Variants in CACNA1C observed in about 807,000 individuals in gnomAD.
CACNA1C encodes voltage-dependent L-type calcium channel subunit alpha-1C.
Under a neutral mutation model 229.0 loss-of-function variants are expected in CACNA1C, and 30 were observed. The ratio of observed to expected loss-of-function variants is 0.13; its 90% confidence interval spans 0.10 to 0.18. The LOEUF is 0.18. CACNA1C is among the 10% of genes least tolerant of loss of function. The pLI is 1.00. For missense variants in CACNA1C, 1,658 were observed against 2,845.0 expected, an observed-to-expected ratio of 0.58 and a Z score of 9.49; for synonymous variants, 1,114 against 1,132.5, an observed-to-expected ratio of 0.98 and a Z score of 0.33.
In CACNA1C at chr12:2,111,565, CA is replaced by C. The variant is rs113948667; in HGVS notation, c.50-3658del. 7.2e-3 allele frequency among the ~76,000 whole-genome samples: 1,083 copies of C among 151,006 alleles called. 12 individuals carry two copies. Among genetic ancestry groups the C allele is most frequent in the African/African-American group, 0.025 (1,037 of 40,976 alleles). On this transcript the variant is annotated intron_variant, in intron 1 of 46. Transcript: ENST00000399655. ...GATTAAGGTCTGGGGACAGCCGTCT[CA>C]GGGGAGGCGTGAGCTGTGGAGGGCT...
intron 13 of CACNA1C, among the ~76,000 whole-genome samples, chr12:2,572,316 TCCTC>T (rs1600549426): frequency 1.4e-5 from 2 of 143,070 alleles, no homozygotes; most frequent in African/African-American, 5.2e-5. Flanking sequence ...CTCCTCCTCC[TCCTC>T]TTCCTCCTCC....
chr12:2,094,456 G>A (rs187933374), intron 1 of CACNA1C, among the ~76,000 whole-genome samples: 131 of 152,268 alleles, frequency 8.6e-4, no homozygotes, highest in Non-Finnish European at 1.4e-3. Flanking sequence ...GGGCGAGCAG[G>A]GGCCTCCTCT....
chr12:2,610,645 C>T lies in CACNA1C; in HGVS notation c.3663C>T (p.Phe1221=), dbSNP rs369646222. 20 of 1,614,240 alleles carry T rather than the reference C, an allele frequency of 1.2e-5. No individual in the cohort carries two copies. Among genetic ancestry groups the T allele is most frequent in the East Asian group, 6.7e-5 (3 of 44,884 alleles). Residue 1221 remains phenylalanine, a synonymous_variant, in exon 28 of 47, where the codon TTC becomes TTT. Transcript: ENST00000399655. The part of the protein sequence containing the change: ...KVWYVVNSTY[F]EYLMFVLILL... ...GGTACGTGGTCAACTCCACCTACTT[C>T]GAGTACCTGATGTTCGTCCTCATCC... is the stretch of plus-strand genomic sequence containing the variant.
chr12:2,163,902 C>T (rs999171109), intron 3 of CACNA1C, among the ~76,000 whole-genome samples: 4 of 152,202 alleles, frequency 2.6e-5, no homozygotes, highest in Admixed American at 2.0e-4. Context: ...TCCCATAACC[C>T]AGCTGGAGTA....
At chr12:2,404,585 T>C (rs528589393) in intron 3 of CACNA1C, among the ~76,000 whole-genome samples, 1 of 152,214 alleles carries the variant, frequency 6.6e-6, no homozygotes, top group East Asian at 1.9e-4. Flanking sequence ...TGTGCACGCC[T>C]CTCCTAACAT....
chr12:2,376,502 T>G (rs112158312), intron 3 of CACNA1C, among the ~76,000 whole-genome samples: 2,725 of 152,106 alleles, frequency 0.018, 75 homozygotes, highest in African/African-American at 0.062. Context: ...TGAGTGGGTG[T>G]TCGGATGGAT....
At chr12:2,309,490 C>T (rs942329283) in intron 3 of CACNA1C, among the ~76,000 whole-genome samples, 2 of 149,822 alleles carry the variant, frequency 1.3e-5, no homozygotes, top group African/African-American at 5.0e-5. Flanking sequence ...CACACACACA[C>T]ATACACACAC....
At chr12:2,163,203 CAAAAAA>C (rs35977267) in intron 3 of CACNA1C, among the ~76,000 whole-genome samples, 2 of 109,550 alleles carry the variant, frequency 1.8e-5, no homozygotes, top group Non-Finnish European at 3.7e-5. Flanking sequence ...AATTCCATCT[CAAAAAA>C]AAAAAAAAAA....
In CACNA1C at chr12:2,647,396, C is replaced by T. The variant is rs113098252; in HGVS notation, c.3913-1079C>T. Among the ~76,000 whole-genome samples, 16 of 152,318 alleles carry T rather than the reference C, an allele frequency of 1.1e-4. No individual in the cohort carries two copies. Among genetic ancestry groups the T allele is most frequent in the African/African-American group, 3.8e-4 (16 of 41,582 alleles). ...ACTCACCAGAGGCCAGTTTCCTCAG[C>T]TCCTACCCCCAAATGAGTTCAGCAG... is the stretch of plus-strand genomic sequence containing the variant. On this transcript the variant is annotated intron_variant, in intron 30 of 46. Transcript: ENST00000399655. This position sits in a 1 kb window ranked among gnomAD's most constrained non-coding sequence, Gnocchi z 4.2.
rs567347154 is a variant in CACNA1C at position 2,612,354 on chromosome 12, A to G, written c.3828+341A>G. The G allele has an allele frequency of 5.6e-4, 109 of 193,050 alleles. No homozygotes were observed. In the Middle Eastern group the frequency reaches 6.4e-3, roughly 11 times the overall value. The allele number at this position is 193,050 out of a possible 1,614,324, so 12.0% of individuals were successfully genotyped here. Reference sequence around the variant, plus strand: ...AGTACATAACCTGTTAATAGAAGAAACTATGCTCATAGACTGGCAGACCAA... The same window carrying G: ...AGTACATAACCTGTTAATAGAAGAAGCTATGCTCATAGACTGGCAGACCAA... On this transcript the variant is annotated intron_variant, in intron 29 of 46. Transcript: ENST00000399655.
rs939995713 is a variant in CACNA1C, at chr12:2,655,224, G to T, written c.4218G>T (p.Val1406=). The change falls in exon 34 of 47, where the codon GTG becomes GTT. Residue 1406 remains valine (V), a synonymous_variant. Transcript: ENST00000399655. The stretch of plus-strand genomic sequence containing the variant: ...ACTTTCAGACCTTCCCCCAGGCCGT[G>T]CTGCTCCTCTTCAGGTGGGTCCCTG... ...NNNFQTFPQA[V]LLLFRCATGE... is the part of the protein sequence containing the mutation. 1 of 1,611,720 alleles carries T rather than the reference G, an allele frequency of 6.2e-7. No homozygotes were observed. Among genetic ancestry groups the T allele is most frequent in the Non-Finnish European group, 8.5e-7 (1 of 1,178,000 alleles).
At chr12:2,548,044 T>G (rs2154591963) in intron 9 of CACNA1C, among the ~76,000 whole-genome samples, 1 of 152,064 alleles carries the variant, frequency 6.6e-6, no homozygotes, top group South Asian at 2.1e-4. Context: ...GTCTGGAGGG[T>G]AGAGAGCTAA....
chr12:2,041,375 C>T (rs1291609318), intron 1 of CACNA1C, among the ~76,000 whole-genome samples: 2 of 145,716 alleles, frequency 1.4e-5, no homozygotes, highest in Non-Finnish European at 3.0e-5. Context: ...CTCCCAGGTT[C>T]ATGCCATTCT....
chr12:2,462,194 A>G (rs2099510575), intron 5 of CACNA1C, among the ~76,000 whole-genome samples: 1 of 79,936 alleles, frequency 1.3e-5, no homozygotes, highest in Non-Finnish European at 2.8e-5. Flanking sequence ...TTCTGTCTGA[A>G]CGCCCTCGGC....
chr12:2,370,699 AT>A (rs1406733519), intron 3 of CACNA1C, among the ~76,000 whole-genome samples: 3 of 152,230 alleles, frequency 2.0e-5, no homozygotes, highest in Non-Finnish European at 4.4e-5. Flanking sequence ...AATGAGATAA[AT>A]TTAGTATTAG....
chr12:2,552,626 G>A (rs1467247387), intron 10 of CACNA1C, among the ~76,000 whole-genome samples: 1 of 152,234 alleles, frequency 6.6e-6, no homozygotes, highest in African/African-American at 2.4e-5. Context: ...GGAGGAATGA[G>A]AAGCTGCAAG....
chr12:2,607,338 G>C, intron 26 of CACNA1C: 1 of 537,192 alleles, frequency 1.9e-6, no homozygotes, highest in Non-Finnish European at 3.2e-6. Context: ...AAGGTGTCAA[G>C]AAACTCCCAC....
At chr12:2,609,544 G>A (rs1295469303) in intron 27 of CACNA1C, among the ~76,000 whole-genome samples, 1 of 149,862 alleles carries the variant, frequency 6.7e-6, no homozygotes, top group Non-Finnish European at 1.5e-5. Context: ...GTTAGAAAGT[G>A]GAAATGAGAG....
At chr12:2,140,558 G>A (rs1170868113) in intron 3 of CACNA1C, among the ~76,000 whole-genome samples, 1 of 151,284 alleles carries the variant, frequency 6.6e-6, no homozygotes, top group African/African-American at 2.4e-5. Flanking sequence ...GTGACCTTGG[G>A]CAAATGTCTT....
Sources: allele counts gnomAD v4.1 joint callset (sites outside exome capture counted in the v4.1 genomes callset), GRCh38; gene constraint gnomAD v4.1.1; non-coding constraint Gnocchi (gnomAD v3.1); transcripts MANE v1.5; gene names NCBI Gene and HGNC (gene_info 2026-07-23, HGNC 2026-07-21).